DNAJB5: variants seen among roughly 807,000 people sequenced by gnomAD.
DNAJB5 encodes dnaJ homolog subfamily B member 5.
DNAJB5 carries 12 observed loss-of-function variants against 32.6 expected under a neutral mutation model. The observed-to-expected ratio is 0.37, with a 90% CI of 0.24 to 0.60. DNAJB5 has a LOEUF of 0.60. Ranked by LOEUF, DNAJB5 falls within the 20% of genes least tolerant of loss-of-function variation. The pLI is 0.71. For missense variants in DNAJB5, 358 were observed against 554.2 expected (o/e 0.65, Z 3.55); for synonymous variants, 188 against 212.9 (o/e 0.88, Z 1.02).
Position 34,990,929 on chromosome 9 carries a change from C to T in DNAJB5, c.182+117C>T. 2.8e-6 allele frequency: 3 copies of T among 1,067,292 alleles called. No homozygotes were observed. The highest frequency in any genetic ancestry group is 4.0e-6 in the Non-Finnish European group (3 of 757,470). 66.1% of individuals were successfully genotyped at this position (1,067,292 alleles called of 1,614,324 possible). A position where few individuals can be genotyped will look rare whatever the true frequency, so the allele number is the denominator to read the frequency against. ...TCATCCTCATCCCCTCTGTGACATA[C>T]AGGAACCCCCCTCCGGCCTCACCCA... On this transcript the variant is annotated intron_variant, in intron 2 of 4. Coordinates refer to ENST00000682809, the MANE Select transcript of DNAJB5 (RefSeq NM_001349723.3). The surrounding 1 kb of genome is among the most constrained non-coding windows in gnomAD (Gnocchi z 4.5).
chr9:34,991,091 T>A (rs767109568), intron 2 of DNAJB5: 22 of 495,612 alleles, frequency 4.4e-5, no homozygotes, highest in Non-Finnish European at 7.8e-5. Flanking sequence ...ATTTTCCACC[T>A]CAGCCATTTC....
chr9:34,992,723 T>C (rs540445646), intron 2 of DNAJB5: 9 of 936,728 alleles, frequency 9.6e-6, no homozygotes, highest in Non-Finnish European at 1.2e-5. Context: ...GACCCAGGCC[T>C]GTTCCCGGTC....
In DNAJB5 at chr9:34,993,617, A is replaced by C. The variant is rs1208582658; in HGVS notation, c.427+173A>C. The stretch of plus-strand genomic sequence containing the variant: ...GCCCACCCACTACCCAGCTCAGCTC[A>C]CCCTAGTTCTCCCCGCCTCTCTCTG... On this transcript the variant is annotated intron_variant, in intron 3 of 4. Coordinates refer to ENST00000682809, the MANE Select transcript of DNAJB5 (RefSeq NM_001349723.3). The surrounding 1 kb of genome is among the most constrained non-coding windows in gnomAD (Gnocchi z 4.7). Among the ~76,000 whole-genome samples, 1 of 151,246 alleles carries C rather than the reference A, an allele frequency of 6.6e-6. No homozygotes were observed. Among genetic ancestry groups the C allele is most frequent in the African/African-American group, 2.4e-5 (1 of 41,110 alleles).
chr9:34,994,272 C>G (rs920073330), intron 3 of DNAJB5, among the ~76,000 whole-genome samples: 1 of 152,212 alleles, frequency 6.6e-6, no homozygotes. Context: ...CTTTCACATT[C>G]TCCTCCTCTT....
At position 34,997,126 on chromosome 9, in the gene DNAJB5, G is replaced by A; in HGVS notation, c.1130G>A (p.Arg377His). Residue 377 changes from arginine (R) to histidine (H), a missense_variant, in exon 5 of 5, where the codon CGT (arginine) becomes CAT (histidine). Around this residue, in one of 2 missense-constraint regions of DNAJB5, gnomAD observed 248 missense variants for 442.6 expected, o/e 0.56. Coordinates refer to ENST00000682809, the MANE Select transcript of DNAJB5 (RefSeq NM_001349723.3). This position sits in a 1 kb window ranked among gnomAD's most constrained non-coding sequence, Gnocchi z 4.1. ...VIKPGTVKRL[R>H]GEGLPFPKVP... ...AAGCCAGGCACCGTGAAGAGACTCCGTGGGGAGGGCCTTCCCTTCCCCAAA... is the reference window on the plus strand; with the variant it reads ...AAGCCAGGCACCGTGAAGAGACTCCATGGGGAGGGCCTTCCCTTCCCCAAA... 1 of 1,614,192 alleles carries A rather than the reference G, an allele frequency of 6.2e-7. No homozygotes were observed. The highest frequency in any genetic ancestry group is 8.5e-7 in the Non-Finnish European group (1 of 1,180,044).
chr9:34,997,343 C>T lies in DNAJB5; in HGVS notation c.*84C>T. 2.9e-6 allele frequency: 4 copies of T among 1,396,104 alleles called. No homozygotes were observed. The South Asian group carries it at 3.5e-5, about 12-fold the overall frequency. 86.5% of individuals were successfully genotyped at this position (1,396,104 alleles called of 1,614,324 possible). A position where few individuals can be genotyped will look rare whatever the true frequency, so the allele number is the denominator to read the frequency against. On this transcript the variant is annotated 3_prime_UTR_variant, in exon 5 of 5. Coordinates refer to ENST00000682809, the MANE Select transcript of DNAJB5 (RefSeq NM_001349723.3). The surrounding 1 kb of genome is among the most constrained non-coding windows in gnomAD (Gnocchi z 4.1). ...CAATGTGCACCCAGCTTGATGTCCA[C>T]TGGACACTGGCAACTTTTTCTAAAA...
At position 34,997,465 on chromosome 9, in the gene DNAJB5, G is replaced by A. The variant is rs1013009106; in HGVS notation, c.*206G>A. On this transcript the variant is annotated 3_prime_UTR_variant, in exon 5 of 5. Coordinates refer to ENST00000682809, the MANE Select transcript of DNAJB5 (RefSeq NM_001349723.3). The surrounding 1 kb of genome is among the most constrained non-coding windows in gnomAD (Gnocchi z 4.1). ...GGGGAGTGGGAGGGAGGTGGGGAGA[G>A]CTAGCCCAGGCCAGGGGTCAATGTT... 2.9e-6 allele frequency: 2 copies of A among 698,486 alleles called. No homozygotes were observed. The highest frequency in any genetic ancestry group is 3.5e-5 in the African/African-American group (2 of 57,116). 43.3% of individuals were successfully genotyped at this position (698,486 alleles called of 1,614,324 possible).
At chr9:34,991,621 C>CT (rs201896090) in intron 2 of DNAJB5, 6 of 216,330 alleles carry the variant, frequency 2.8e-5, no homozygotes, top group African/African-American at 8.5e-5. Context: ...GACCACCCCC[C>CT]CCCGCTCCCT....
Position 34,993,065 on chromosome 9 carries a change from G to C in DNAJB5, c.183-135G>C. 1.4e-6 allele frequency: 2 copies of C among 1,445,674 alleles called. No individual in the cohort carries two copies. The highest frequency in any genetic ancestry group is 1.5e-5 in the South Asian group (1 of 66,244). 89.6% of individuals were successfully genotyped at this position (1,445,674 alleles called of 1,614,324 possible). On this transcript the variant is annotated intron_variant, in intron 2 of 4. Transcript: ENST00000682809. This position sits in a 1 kb window ranked among gnomAD's most constrained non-coding sequence, Gnocchi z 4.7. ...GTCCAAACCTTTCATTTTACAGATG[G>C]GGGGACGCAGGCCCACAGAACAGGC...
At position 34,996,492 on chromosome 9, in the gene DNAJB5, A is replaced by G; in HGVS notation, c.655A>G (p.Asn219Asp). 1 of 1,614,130 alleles carries G rather than the reference A, an allele frequency of 6.2e-7. No homozygotes were observed. Among genetic ancestry groups the G allele is most frequent in the Non-Finnish European group, 8.5e-7 (1 of 1,180,024 alleles). Reference protein sequence around the residue: ...PFGAFGRFGFNGLSRGPRRAP... With the variant: ...PFGAFGRFGFDGLSRGPRRAP... ...TGGCGCTTTCGGCCGTTTTGGCTTCAATGGGCTGAGTAGGGGTCCAAGGCG... is the reference window on the plus strand; with the variant it reads ...TGGCGCTTTCGGCCGTTTTGGCTTCGATGGGCTGAGTAGGGGTCCAAGGCG... The change falls in exon 4 of 5, where the codon AAT becomes GAT. Residue 219 changes from asparagine to aspartate, a missense_variant. This residue lies in a region of DNAJB5 where 248 missense variants were observed against 442.6 expected (regional missense o/e 0.56). Coordinates refer to ENST00000682809, the MANE Select transcript of DNAJB5 (RefSeq NM_001349723.3). The surrounding 1 kb of genome is among the most constrained non-coding windows in gnomAD (Gnocchi z 7.2).
intron 2 of DNAJB5, chr9:34,992,772 T>C: frequency 9.9e-7 from 1 of 1,010,598 alleles, no homozygotes; most frequent in Non-Finnish European, 1.2e-6. Context: ...CTGGGCACCA[T>C]GCCTGAGGCG....
chr9:34,991,676 C>CCCCA (rs1827647320), intron 2 of DNAJB5: 1 of 259,492 alleles, frequency 3.9e-6, no homozygotes, highest in South Asian at 2.9e-5. Context: ...TTGCCCCCCC[C>CCCCA]CCCAACGAGG....
Position 34,996,292 on chromosome 9 carries a change from G to A in DNAJB5, c.455G>A (p.Gly152Asp). The A allele has an allele frequency of 6.2e-7, 1 of 1,613,994 alleles. No individual in the cohort carries two copies. The change falls in exon 4 of 5, where the codon GGT (glycine) becomes GAT (aspartate). Residue 152 changes from glycine to aspartate, a missense_variant. Gly to Asp is a moderately conservative substitution (Grantham distance 94). This residue lies in a region of DNAJB5 where 248 missense variants were observed against 442.6 expected (regional missense o/e 0.56). Coordinates refer to ENST00000682809, the MANE Select transcript of DNAJB5 (RefSeq NM_001349723.3). The surrounding 1 kb of genome is among the most constrained non-coding windows in gnomAD (Gnocchi z 7.2). The stretch of plus-strand genomic sequence containing the variant: ...CTGAAGACCGGCGGTGGCACATCAG[G>A]TGGCTCCAGTGGCTCCTTTCACTAC... ...EGLKTGGGTSGGSSGSFHYTF... is the reference protein window; with the variant it reads ...EGLKTGGGTSDGSSGSFHYTF...
Position 34,993,904 on chromosome 9 carries a change from C to A in DNAJB5, c.427+460C>A, listed in dbSNP as rs1274129294. ...AGCAGAAATGGTTTTCCCCTTCTCT[C>A]CCCCGGCCCTGCCTGCTTCTGGCCA... On this transcript the variant is annotated intron_variant, in intron 3 of 4. Coordinates refer to ENST00000682809, the MANE Select transcript of DNAJB5 (RefSeq NM_001349723.3). This position sits in a 1 kb window ranked among gnomAD's most constrained non-coding sequence, Gnocchi z 4.7. 2.0e-5 allele frequency among the ~76,000 whole-genome samples: 3 copies of A among 152,200 alleles called. No homozygotes were observed. Among genetic ancestry groups the A allele is most frequent in the Non-Finnish European group, 4.4e-5 (3 of 68,026 alleles).
Position 34,990,761 on chromosome 9 carries a change from T to C in DNAJB5, c.131T>C (p.Leu44Pro). The C allele has an allele frequency of 2.6e-6, 4 of 1,551,716 alleles. No individual in the cohort carries two copies. The highest frequency in any genetic ancestry group is 3.5e-6 in the Non-Finnish European group (4 of 1,146,982). The change falls in exon 2 of 5, where the codon CTG becomes CCG. Residue 44 changes from leucine (L) to proline (P), a missense_variant. Coordinates refer to ENST00000682809, the MANE Select transcript of DNAJB5 (RefSeq NM_001349723.3). The surrounding 1 kb of genome is among the most constrained non-coding windows in gnomAD (Gnocchi z 4.5). The stretch of plus-strand genomic sequence containing the variant: ...GCCAGCTTGATGTTTAAAATTCAGC[T>C]GGAGCCCTTAAAACTTCGAGCGTGG... ...FLASLMFKIQ[L>P]EPLKLRAWTL... is the part of the protein sequence containing the mutation.
intron 3 of DNAJB5, among the ~76,000 whole-genome samples, chr9:34,995,920 C>T (rs189336506): frequency 6.6e-6 from 1 of 152,320 alleles, no homozygotes; most frequent in East Asian, 1.9e-4. Context: ...TGACACCAGG[C>T]TAGTCATTCA....
In DNAJB5 at chr9:34,997,329, C is replaced by A; in HGVS notation, c.*70C>A. 3 of 1,483,910 alleles carry A rather than the reference C, an allele frequency of 2.0e-6. No homozygotes were observed. Among genetic ancestry groups the A allele is most frequent in the South Asian group, 2.3e-5 (2 of 88,344 alleles). The allele number at this position is 1,483,910 out of a possible 1,614,324, so 91.9% of individuals were successfully genotyped here. ...ACACTCACTCCACTCAATGTGCACC[C>A]AGCTTGATGTCCACTGGACACTGGC... On this transcript the variant is annotated 3_prime_UTR_variant, in exon 5 of 5. Coordinates refer to ENST00000682809, the MANE Select transcript of DNAJB5 (RefSeq NM_001349723.3). This position sits in a 1 kb window ranked among gnomAD's most constrained non-coding sequence, Gnocchi z 4.1.
chr9:34,992,308 GC>G (rs1303885359), intron 2 of DNAJB5: 1 of 152,306 alleles, frequency 6.6e-6, no homozygotes, highest in African/African-American at 2.4e-5. Context: ...TGGACTGGGG[GC>G]GTAGGGTGAG....
Position 34,996,930 on chromosome 9 carries a change from G to A in DNAJB5, c.1029+64G>A, listed in dbSNP as rs1448983208. The A allele has an allele frequency of 1.2e-5, 19 of 1,584,826 alleles. No individual in the cohort carries two copies. Among genetic ancestry groups the A allele is most frequent in the Admixed American group, 8.5e-5 (5 of 59,170 alleles). ...TGGTGGGGACATTCCCTCTCTTCCC[G>A]CCAGCTGGCACATTCTTTCCCCACC... On this transcript the variant is annotated intron_variant, in intron 4 of 4. Coordinates refer to ENST00000682809, the MANE Select transcript of DNAJB5 (RefSeq NM_001349723.3). This position sits in a 1 kb window ranked among gnomAD's most constrained non-coding sequence, Gnocchi z 7.2.
Sources: allele counts gnomAD v4.1 joint callset (sites outside exome capture counted in the v4.1 genomes callset), GRCh38; gene constraint gnomAD v4.1.1; regional missense constraint gnomAD v4.1.1; non-coding constraint Gnocchi (gnomAD v3.1); transcripts MANE v1.5; gene names NCBI Gene and HGNC (gene_info 2026-07-23, HGNC 2026-07-21).